The following ZNF423 variants were observed in gnomAD, a reference collection of about 807,000 sequenced individuals.
ZNF423 encodes the protein Ebf-associated zinc finger protein.
A neutral mutation model predicts 95.8 loss-of-function variants in ZNF423; 12 were observed. The observed-to-expected ratio is 0.13, with a 90% CI of 0.08 to 0.20. The LOEUF (loss-of-function observed/expected upper bound fraction) is 0.20. Among genes scored for constraint, ZNF423 ranks in the 10% least tolerant of loss-of-function variants. ZNF423 has a pLI of 1.00. For synonymous variants in ZNF423, 749 were observed against 711.9 expected, an observed-to-expected ratio of 1.05 and a Z score of -0.83; for missense variants, 1,316 against 1,737.1, an observed-to-expected ratio of 0.76 and a Z score of 4.31.
Position 49,591,766 on chromosome 16 carries a change from C to T in ZNF423, c.3601+34404G>A, listed in dbSNP as rs1237910123. ...CAAACACAAGTGTGCAAAAACAGTA[C>T]AGACATTAAAACTCTGCTGGAAACC... On this transcript the variant is annotated intron_variant, in intron 5 of 7. Coordinates refer to ENST00000563137, the MANE Select transcript of ZNF423 (RefSeq NM_001379286.1). Among the ~76,000 whole-genome samples, 3 of 152,256 alleles carry T rather than the reference C, an allele frequency of 2.0e-5. No individual in the cohort carries two copies. In the East Asian group the frequency reaches 5.8e-4, roughly 29 times the overall value.
intron 3 of ZNF423, among the ~76,000 whole-genome samples, chr16:49,668,173 G>C (rs1270483750): frequency 1.3e-5 from 2 of 152,146 alleles, no homozygotes; most frequent in African/African-American, 4.8e-5. Context: ...CCTTGCAGGA[G>C]TTCACCAAGT....
intron 3 of ZNF423, chr16:49,664,101 GCT>G: frequency 1.0e-6 from 1 of 985,382 alleles, no homozygotes; most frequent in Non-Finnish European, 1.2e-6. Flanking sequence ...CTTTCCCCCT[GCT>G]CACCAGGGCG....
chr16:49,829,730 G>A (rs1460867489), intron 1 of ZNF423, among the ~76,000 whole-genome samples: 1 of 152,138 alleles, frequency 6.6e-6, no homozygotes, highest in Non-Finnish European at 1.5e-5. Flanking sequence ...ACACTGTCAA[G>A]AGAAGTCAGC....
At chr16:49,730,625 C>T in intron 3 of ZNF423, 146 bp downstream of exon 3, 1 of 826,398 alleles carries the variant, frequency 1.2e-6, no homozygotes, top group Non-Finnish European at 1.9e-6. Context: ...AAGGCGGATA[C>T]AGGGTACCCA....
At chr16:49,600,226 G>C (rs188725915) in intron 5 of ZNF423, among the ~76,000 whole-genome samples, 4 of 152,034 alleles carry the variant, frequency 2.6e-5, no homozygotes, top group Admixed American at 2.6e-4. Flanking sequence ...GCAGAAGAGC[G>C]GCTTGAACCC....
intron 5 of ZNF423, among the ~76,000 whole-genome samples, chr16:49,563,024 C>A (rs1481114271): frequency 1.3e-5 from 2 of 152,158 alleles, no homozygotes; most frequent in Non-Finnish European, 2.9e-5. Flanking sequence ...ACCTCATGAT[C>A]CACCCACCTT....
At chr16:49,599,561 T>C (rs1971290304) in intron 5 of ZNF423, among the ~76,000 whole-genome samples, 1 of 152,164 alleles carries the variant, frequency 6.6e-6, no homozygotes, top group South Asian at 2.1e-4. Flanking sequence ...GGAACACAGA[T>C]GGGCTTAGCA....
intron 1 of ZNF423, among the ~76,000 whole-genome samples, chr16:49,844,353 T>C (rs2035221212): frequency 6.6e-6 from 1 of 152,096 alleles, no homozygotes; most frequent in Admixed American, 6.5e-5. Flanking sequence ...AAAAGCAATG[T>C]TTTACAAGCC....
At chr16:49,722,995 G>A (rs970434948) in intron 3 of ZNF423, among the ~76,000 whole-genome samples, 6 of 138,082 alleles carry the variant, frequency 4.3e-5, no homozygotes, top group African/African-American at 8.3e-5. Flanking sequence ...TCACTCTGTC[G>A]CCCAGGCTGG....
intron 2 of ZNF423, among the ~76,000 whole-genome samples, chr16:49,767,487 G>C (rs146019293): frequency 3.8e-4 from 58 of 152,242 alleles, no homozygotes; most frequent in African/African-American, 1.4e-3. Context: ...CACAGCACTG[G>C]GATCTAGGAA....
At chr16:49,550,047 C>T (rs1236633287) in intron 5 of ZNF423, among the ~76,000 whole-genome samples, 1 of 152,040 alleles carries the variant, frequency 6.6e-6, no homozygotes, top group Non-Finnish European at 1.5e-5. Flanking sequence ...CAATCTTTTT[C>T]AATATGGACA....
At chr16:49,643,687 A>AC (rs1555516911) in intron 3 of ZNF423, among the ~76,000 whole-genome samples, 5 of 152,106 alleles carry the variant, frequency 3.3e-5, no homozygotes, top group South Asian at 4.2e-4. Context: ...GAGTTAAAAA[A>AC]ACACACACAC....
intron 7 of ZNF423, among the ~76,000 whole-genome samples, chr16:49,509,515 C>T (rs891766310): frequency 2.0e-5 from 3 of 152,168 alleles, no homozygotes; most frequent in South Asian, 2.1e-4. Context: ...CGGCTGCTGA[C>T]GGGTGCTCCT....
At chr16:49,793,545 C>T (rs775464736) in intron 1 of ZNF423, among the ~76,000 whole-genome samples, 3 of 152,234 alleles carry the variant, frequency 2.0e-5, no homozygotes, top group Non-Finnish European at 4.4e-5. Context: ...GAGATACACA[C>T]CCCACCCTAC....
At position 49,603,076 on chromosome 16, in the gene ZNF423, G is replaced by A. The variant is rs946345751; in HGVS notation, c.3601+23094C>T. On this transcript the variant is annotated intron_variant, in intron 5 of 7. Coordinates refer to ENST00000563137, the MANE Select transcript of ZNF423 (RefSeq NM_001379286.1). The surrounding 1 kb of genome is among the most constrained non-coding windows in gnomAD (Gnocchi z 4.1). The stretch of plus-strand genomic sequence containing the variant: ...GGGAGGAGGAGGTTCCGAAACACTG[G>A]TGCGAGAAAAGGGTCTGGATGGGAG... Among the ~76,000 whole-genome samples, 1 of 152,190 alleles carries A rather than the reference G, an allele frequency of 6.6e-6. No homozygotes were observed. The highest frequency in any genetic ancestry group is 2.4e-5 in the African/African-American group (1 of 41,448).
At position 49,653,241 on chromosome 16, in the gene ZNF423, C is replaced by T. The variant is rs967573847; in HGVS notation, c.302-14367G>A. On this transcript the variant is annotated intron_variant, in intron 3 of 7. Coordinates refer to ENST00000563137, the MANE Select transcript of ZNF423 (RefSeq NM_001379286.1). ...AGCTGCCCAGCACCTCTACCCACTA[C>T]ACAAGTCTTGGGAGGACCTGAAGGA... Among the ~76,000 whole-genome samples the T allele has an allele frequency of 2.0e-5, 3 of 148,160 alleles. No individual in the cohort carries two copies. In the Admixed American group the frequency reaches 2.1e-4, roughly 10 times the overall value.
intron 1 of ZNF423, among the ~76,000 whole-genome samples, chr16:49,832,705 G>A (rs1037741512): frequency 2.6e-5 from 4 of 152,120 alleles, no homozygotes; most frequent in African/African-American, 7.2e-5. Flanking sequence ...ACTGCAAGCA[G>A]GACCCTAAAT....
At chr16:49,502,177 G>A (rs563170578) in intron 7 of ZNF423, among the ~76,000 whole-genome samples, 3 of 152,172 alleles carry the variant, frequency 2.0e-5, no homozygotes, top group Admixed American at 6.5e-5. Flanking sequence ...TGAGGGCCTC[G>A]AGAAGCCCCA....
At chr16:49,853,654 A>G (rs1314357723) in intron 1 of ZNF423, 1 of 985,154 alleles carries the variant, frequency 1.0e-6, no homozygotes, top group African/African-American at 1.7e-5. Context: ...ATACACACAT[A>G]CACATTTGAG....
Sources: gnomAD v4.1 joint callset for allele counts (sites outside exome capture counted in the v4.1 genomes callset) on GRCh38, gnomAD v4.1.1 for gene constraint, Gnocchi (gnomAD v3.1) non-coding constraint, MANE v1.5 for transcripts, NCBI Gene and HGNC (gene_info 2026-07-23, HGNC 2026-07-21) for gene names.